The following LDB2 variants were observed in gnomAD, a reference collection of about 807,000 sequenced individuals.
LDB2 encodes LIM domain binding 2, also known as LIM domain-binding protein 2.
In LDB2, 12 loss-of-function variants were observed where a neutral mutation model predicts 44.3. The ratio of observed to expected loss-of-function variants is 0.27; its 90% confidence interval spans 0.17 to 0.44. The LOEUF (loss-of-function observed/expected upper bound fraction) is 0.44, where lower values mean the gene tolerates loss of function less well. Among genes scored for constraint, LDB2 ranks in the 20% least tolerant of loss-of-function variants. The probability of loss-of-function intolerance (pLI) is 1.00; values close to 1 mark genes in which losing one functional copy is unlikely to be tolerated. For synonymous variants in LDB2, 164 were observed against 174.8 expected (o/e 0.94, Z 0.49); for missense variants, 344 against 473.5 (o/e 0.73, Z 2.54).
At chr4:16,829,818 A>G (rs1232519132) in intron 1 of LDB2, among the ~76,000 whole-genome samples, 1 of 152,192 alleles carries the variant, frequency 6.6e-6, no homozygotes, top group Non-Finnish European at 1.5e-5. Context: ...CTCGAAAAAC[A>G]CACACAGGCC....
intron 1 of LDB2, among the ~76,000 whole-genome samples, chr4:16,772,218 C>A (rs1270609756): frequency 6.6e-6 from 1 of 152,176 alleles, no homozygotes; most frequent in Non-Finnish European, 1.5e-5. Flanking sequence ...AGCCTACTTG[C>A]TATCACATCA....
At chr4:16,845,872 C>T (rs918824774) in intron 1 of LDB2, among the ~76,000 whole-genome samples, 5 of 151,956 alleles carry the variant, frequency 3.3e-5, no homozygotes, top group Admixed American at 3.3e-4. Flanking sequence ...GTTTGGGAGG[C>T]CGAGGTGGGT....
chr4:16,616,496 G>A (rs1560645505), intron 2 of LDB2, among the ~76,000 whole-genome samples: 1 of 152,022 alleles, frequency 6.6e-6, no homozygotes, highest in East Asian at 1.9e-4. Context: ...TGATGTCCAG[G>A]TAGGCAGTGG....
At chr4:16,775,899 C>A (rs1771780583) in intron 1 of LDB2, among the ~76,000 whole-genome samples, 2 of 152,184 alleles carry the variant, frequency 1.3e-5, no homozygotes, top group African/African-American at 2.4e-5. Context: ...TGCACACCAA[C>A]CTCAAATCCA....
Position 16,588,829 on chromosome 4 carries a change from A to C in LDB2, c.412T>G (p.Cys138Gly). ...QHGKPMFTKV[C>G]TEGRLILEFT... ...TCCAAGATCAGTCTGCCTTCTGTAC[A>C]TACCTGGAAGTGACAAACCACACAG... The change falls in exon 4 of 8, where the codon TGT becomes GGT. Residue 138 changes from cysteine (C) to glycine (G), a missense_variant. By Grantham distance (159) the Cys-to-Gly change is radical (BLOSUM62 -3). Transcript: ENST00000304523. The C allele has an allele frequency of 1.9e-6, 3 of 1,613,230 alleles. No individual in the cohort carries two copies. The highest frequency in any genetic ancestry group is 2.5e-6 in the Non-Finnish European group (3 of 1,179,728).
chr4:16,793,797 G>A (rs1226528507), intron 1 of LDB2, among the ~76,000 whole-genome samples: 1 of 152,124 alleles, frequency 6.6e-6, no homozygotes, highest in Non-Finnish European at 1.5e-5. Flanking sequence ...CCATGATGTG[G>A]TAAGAACCAT....
chr4:16,552,835 A>G (rs1004804324), intron 5 of LDB2, among the ~76,000 whole-genome samples: 8 of 152,228 alleles, frequency 5.3e-5, no homozygotes. Flanking sequence ...AAAAAAATGA[A>G]CAATCACAAG....
chr4:16,866,936 A>G (rs1475949820), intron 1 of LDB2, among the ~76,000 whole-genome samples: 3 of 152,138 alleles, frequency 2.0e-5, no homozygotes, highest in Non-Finnish European at 4.4e-5. Context: ...ATCAATGGGT[A>G]TAGGAGGCTC....
chr4:16,800,420 T>C (rs1374896888), intron 1 of LDB2, among the ~76,000 whole-genome samples: 4 of 152,250 alleles, frequency 2.6e-5, no homozygotes, highest in African/African-American at 9.6e-5. Flanking sequence ...AATTCTCCTT[T>C]CAATTGCTTG....
At chr4:16,676,018 A>C (rs1746220150) in intron 2 of LDB2, among the ~76,000 whole-genome samples, 2 of 152,218 alleles carry the variant, frequency 1.3e-5, no homozygotes, top group African/African-American at 4.8e-5. Context: ...AAGTAATAAT[A>C]ACAGTATTTT....
At chr4:16,618,726 G>A (rs956534439) in intron 2 of LDB2, among the ~76,000 whole-genome samples, 3 of 152,164 alleles carry the variant, frequency 2.0e-5, no homozygotes, top group Non-Finnish European at 4.4e-5. Context: ...GATTTTCTCT[G>A]TGAGGGTTTC....
chr4:16,576,419 C>A (rs956230349), intron 5 of LDB2, among the ~76,000 whole-genome samples: 6 of 151,600 alleles, frequency 4.0e-5, no homozygotes, highest in African/African-American at 1.5e-4. Context: ...ACTAATACTA[C>A]AGAAATTTAA....
chr4:16,742,146 A>G (rs151017824), intron 2 of LDB2, among the ~76,000 whole-genome samples: 1,443 of 138,194 alleles, frequency 0.01, 33 homozygotes, highest in African/African-American at 0.038. Flanking sequence ...ATCTCGGCTC[A>G]CTGCAATCTC....
intron 2 of LDB2, among the ~76,000 whole-genome samples, chr4:16,684,124 C>T (rs1311537918): frequency 2.0e-5 from 3 of 152,202 alleles, no homozygotes; most frequent in Non-Finnish European, 4.4e-5. Context: ...AGCAATGCCA[C>T]GTCTATCACA....
At chr4:16,793,167 T>G (rs1290937788) in intron 1 of LDB2, among the ~76,000 whole-genome samples, 6 of 152,216 alleles carry the variant, frequency 3.9e-5, no homozygotes, top group African/African-American at 1.4e-4. Context: ...TTCCTTCAGC[T>G]GACAAAAGGG....
intron 1 of LDB2, among the ~76,000 whole-genome samples, chr4:16,834,496 C>T (rs1258243080): frequency 6.6e-6 from 1 of 152,110 alleles, no homozygotes; most frequent in Admixed American, 6.5e-5. Context: ...AGTCTTCACC[C>T]CTACGAGCAC....
At chr4:16,617,099 A>G (rs542075349) in intron 2 of LDB2, among the ~76,000 whole-genome samples, 2 of 152,276 alleles carry the variant, frequency 1.3e-5, no homozygotes, top group African/African-American at 4.8e-5. Context: ...GTAAAGAAGG[A>G]AGTTGGAAAG....
chr4:16,768,198 T>A (rs1579483362), intron 1 of LDB2, among the ~76,000 whole-genome samples: 1 of 152,198 alleles, frequency 6.6e-6, no homozygotes, highest in Non-Finnish European at 1.5e-5. Flanking sequence ...AATGTGTTTT[T>A]TTTTTATTAA....
intron 1 of LDB2, among the ~76,000 whole-genome samples, chr4:16,810,542 T>C (rs76293130): frequency 0.017 from 2,509 of 151,790 alleles, 62 homozygotes; most frequent in African/African-American, 0.051. Context: ...CTTAGAAAGA[T>C]GAACAGCTAT....
Sources: allele counts gnomAD v4.1 joint callset (sites outside exome capture counted in the v4.1 genomes callset), GRCh38; gene constraint gnomAD v4.1.1; transcripts MANE v1.5; gene names NCBI Gene and HGNC (gene_info 2026-07-23, HGNC 2026-07-21).